Variants in MIS18A observed in about 807,000 individuals in gnomAD.
The protein encoded by MIS18A is MIS18 kinetochore protein A, also known as protein Mis18-alpha.
A neutral mutation model predicts 25.0 loss-of-function variants in MIS18A; 14 were observed. The observed-to-expected ratio is 0.56, with a 90% CI of 0.37 to 0.88. The LOEUF (loss-of-function observed/expected upper bound fraction) is 0.88, where lower values mean the gene tolerates loss of function less well. Among genes scored for constraint, MIS18A ranks in the 40% least tolerant of loss-of-function variants. The pLI, the probability that MIS18A is intolerant of heterozygous loss-of-function variation, is 0.00. For missense variants in MIS18A, 292 were observed against 290.8 expected (o/e 1.00, Z -0.03); for synonymous variants, 134 against 118.6 (o/e 1.13, Z -0.84).
chr21:32,235,297 G>C, the MIS18A span, among the ~76,000 whole-genome samples: 1 of 152,200 alleles, frequency 6.6e-6, no homozygotes, highest in Non-Finnish European at 1.5e-5. Context: ...CAGCCCTCTT[G>C]CCTCGAAGTG....
the MIS18A span, among the ~76,000 whole-genome samples, chr21:32,204,078 A>T: frequency 6.6e-6 from 1 of 152,206 alleles, no homozygotes; most frequent in Non-Finnish European, 1.5e-5. Flanking sequence ...AGGTGTAGAG[A>T]AGCCCTAGAA....
At chr21:32,252,404 A>AAAG in the MIS18A span, among the ~76,000 whole-genome samples, 4 of 145,110 alleles carry the variant, frequency 2.8e-5, no homozygotes, top group South Asian at 9.1e-4. Context: ...AAGGAGAAGA[A>AAAG]AAGAAGAAGA....
chr21:32,224,284 C>T, the MIS18A span, among the ~76,000 whole-genome samples: 7 of 148,272 alleles, frequency 4.7e-5, no homozygotes, highest in Non-Finnish European at 5.9e-5. Flanking sequence ...CCAGGGCAAT[C>T]AGGCAGGAGA....
the MIS18A span, among the ~76,000 whole-genome samples, chr21:32,186,260 C>T: frequency 6.6e-6 from 1 of 152,182 alleles, no homozygotes; most frequent in Admixed American, 6.5e-5. Context: ...TGTTCTCTGA[C>T]GACGTGTCTA....
At chr21:32,264,134 T>C (rs2123457180), downstream of MIS18A, among the ~76,000 whole-genome samples, 1 of 152,308 alleles carries the variant, frequency 6.6e-6, no homozygotes, top group South Asian at 2.1e-4. Flanking sequence ...GGTTATAAAA[T>C]AATATTCGAT....
chr21:32,264,420 G>A (rs1018589313), downstream of MIS18A, among the ~76,000 whole-genome samples: 1 of 152,128 alleles, frequency 6.6e-6, no homozygotes, highest in Non-Finnish European at 1.5e-5. Context: ...CTACAAGACT[G>A]AATCAGATTG....
the MIS18A span, among the ~76,000 whole-genome samples, chr21:32,256,897 C>A: frequency 4.8e-3 from 736 of 151,884 alleles, 8 homozygotes; most frequent in African/African-American, 0.017. Context: ...GAATAAGACT[C>A]ATTCTTACAG....
At chr21:32,274,698 ATGCGAACGAC>A (rs938218469) in intron 2 of MIS18A, 122 bp downstream of exon 2, 8 of 701,104 alleles carry the variant, frequency 1.1e-5, no homozygotes, top group Non-Finnish European at 1.9e-5. Flanking sequence ...GAACTGATAT[ATGCGAACGAC>A]TGATTTTTTT....
the MIS18A span, among the ~76,000 whole-genome samples, chr21:32,243,565 G>A: frequency 5.3e-5 from 8 of 152,198 alleles, no homozygotes; most frequent in South Asian, 4.2e-4. Flanking sequence ...AACAAGTGCC[G>A]GTGAGGATGC....
chr21:32,163,571 G>T, the MIS18A span, among the ~76,000 whole-genome samples: 6 of 152,136 alleles, frequency 3.9e-5, no homozygotes, highest in Non-Finnish European at 7.4e-5. Flanking sequence ...TTTGACACAG[G>T]AGCCAAGAAA....
the MIS18A span, among the ~76,000 whole-genome samples, chr21:32,215,851 T>C: frequency 8.5e-5 from 13 of 152,264 alleles, no homozygotes; most frequent in African/African-American, 3.1e-4. Flanking sequence ...AAAAATTATT[T>C]TGGTGGGAGG....
the MIS18A span, among the ~76,000 whole-genome samples, chr21:32,168,813 G>A: frequency 1.3e-5 from 2 of 152,128 alleles, no homozygotes; most frequent in African/African-American, 4.8e-5. Flanking sequence ...GAGGAAAAAA[G>A]GAAAATAAGA....
At chr21:32,266,248 G>A (rs1262993854), downstream of MIS18A, among the ~76,000 whole-genome samples, 3 of 152,192 alleles carry the variant, frequency 2.0e-5, no homozygotes, top group African/African-American at 2.4e-5. Flanking sequence ...TAACTAATCT[G>A]ATGGGGACGT....
chr21:32,212,381 C>A, the MIS18A span, among the ~76,000 whole-genome samples: 1 of 152,278 alleles, frequency 6.6e-6, no homozygotes, highest in Admixed American at 6.5e-5. Context: ...CCTGAATGCC[C>A]TAGACTTTGC....
At chr21:32,196,477 T>TG in the MIS18A span, among the ~76,000 whole-genome samples, 95 of 143,864 alleles carry the variant, frequency 6.6e-4, no homozygotes, top group Middle Eastern at 3.5e-3. Flanking sequence ...TTTTTTTTTT[T>TG]TGAGGCAGAG....
the MIS18A span, among the ~76,000 whole-genome samples, chr21:32,192,992 G>C: frequency 6.6e-6 from 1 of 152,182 alleles, no homozygotes; most frequent in Non-Finnish European, 1.5e-5. Context: ...GCTGCCTGTG[G>C]ACACACGGGA....
At chr21:32,161,737 C>CG in the MIS18A span, among the ~76,000 whole-genome samples, 2 of 133,094 alleles carry the variant, frequency 1.5e-5, no homozygotes, top group Non-Finnish European at 3.1e-5. Flanking sequence ...GGTGATCTGC[C>CG]CACCTTGGCC....
At chr21:32,236,276 G>C in the MIS18A span, among the ~76,000 whole-genome samples, 1 of 151,826 alleles carries the variant, frequency 6.6e-6, no homozygotes, top group Non-Finnish European at 1.5e-5. Flanking sequence ...TCAGCTACTC[G>C]GGAGGCTGAG....
intron 1 of MIS18A, 111 bp from the exon 2 acceptor site, chr21:32,275,007 CCAAAGT>C: frequency 2.4e-6 from 2 of 846,642 alleles, no homozygotes; most frequent in Non-Finnish European, 1.9e-6. Flanking sequence ...AAAAATAAGC[CCAAAGT>C]CAAACACACA....
Sources: gnomAD v4.1 joint callset for allele counts (sites outside exome capture counted in the v4.1 genomes callset) on GRCh38, gnomAD v4.1.1 for gene constraint, MANE v1.5 for transcripts, NCBI Gene and HGNC (gene_info 2026-07-23, HGNC 2026-07-21) for gene names.